LSM4: variants seen among roughly 807,000 people sequenced by gnomAD.
LSM4 encodes the protein LSM4 homolog, U6 small nuclear RNA and mRNA degradation associated.
In LSM4, 15 loss-of-function variants were observed where a neutral mutation model predicts 22.3. The ratio of observed to expected loss-of-function variants is 0.67; its 90% CI spans 0.45 to 1.03. The LOEUF (loss-of-function observed/expected upper bound fraction) is 1.03, where lower values mean the gene tolerates loss of function less well. Ranked by LOEUF, LSM4 falls within the 50% of genes least tolerant of loss-of-function variation. The probability of loss-of-function intolerance (pLI) is 0.00; values close to 1 mark genes in which losing one functional copy is unlikely to be tolerated. For missense variants in LSM4, 127 were observed against 198.0 expected (o/e 0.64, Z 2.15); for synonymous variants, 90 against 79.8 (o/e 1.13, Z -0.68).
In LSM4 at chr19:18,307,443, G is replaced by C; in HGVS notation, c.*21C>G. 1 of 1,500,324 alleles carries C rather than the reference G, an allele frequency of 6.7e-7. No homozygotes were observed. Among genetic ancestry groups the C allele is most frequent in the South Asian group, 1.3e-5 (1 of 78,916 alleles). 92.9% of individuals were successfully genotyped at this position (1,500,324 alleles called of 1,614,324 possible). On this transcript the variant is annotated 3_prime_UTR_variant, in exon 5 of 5. Transcript: ENST00000593829. ...CGCCACCCTGGCAGGAGGGGGCGCA[G>C]CAGCCGGTCTGGGTGGGCGCTCACT... is the stretch of plus-strand genomic sequence containing the variant.
At chr19:18,307,954 G>A (rs1399081109) in intron 4 of LSM4, among the ~76,000 whole-genome samples, 1 of 152,014 alleles carries the variant, frequency 6.6e-6, no homozygotes, top group Admixed American at 6.6e-5. Context: ...TGGCGGGGGG[G>A]GGGCCTCCTA....
chr19:18,310,043 C>T (rs1970281978), intron 3 of LSM4, 182 bp from the exon 4 acceptor site: 5 of 591,068 alleles, frequency 8.5e-6, no homozygotes, highest in Admixed American at 3.5e-5. Flanking sequence ...TCTGTCCTGA[C>T]CCCAGGCAAT....
At chr19:18,309,594 T>C in intron 4 of LSM4, 84 bp downstream of exon 4, 1 of 1,442,600 alleles carries the variant, frequency 6.9e-7, no homozygotes, top group African/African-American at 1.4e-5. Context: ...GAGGCAGCGC[T>C]GCAAGGGCAA....
chr19:18,311,748 G>A (rs1600166132), intron 3 of LSM4, among the ~76,000 whole-genome samples: 1 of 152,156 alleles, frequency 6.6e-6, no homozygotes, highest in African/African-American at 2.4e-5. Flanking sequence ...CTCACCACCT[G>A]TCCCCACCCC....
chr19:18,309,835 G>A lies in LSM4; in HGVS notation c.171C>T (p.Pro57=), dbSNP rs148877950. 130 of 1,613,668 alleles carry A rather than the reference G, an allele frequency of 8.1e-5. No individual in the cohort carries two copies. In the African/African-American group the frequency reaches 1.2e-3, roughly 15 times the overall value. The change falls in exon 4 of 5, where the codon CCC becomes CCT. Residue 57 remains proline, a synonymous_variant. Transcript: ENST00000593829. ...TGGTGCTGCCGCGGATGTAGCACTC[G>A]GGCATCCGCCAGAACTTGTCCCCGT... ...SRDGDKFWRM[P]ECYIRGSTIK...
At chr19:18,320,019 C>T (rs934602004) in intron 1 of LSM4, among the ~76,000 whole-genome samples, 4 of 152,176 alleles carry the variant, frequency 2.6e-5, no homozygotes, top group Non-Finnish European at 2.9e-5. Context: ...GCAGAACACT[C>T]GCCCCACCCC....
chr19:18,317,994 T>A (rs1883477943), intron 1 of LSM4, among the ~76,000 whole-genome samples: 2 of 152,068 alleles, frequency 1.3e-5, no homozygotes, highest in Middle Eastern at 3.4e-3. Context: ...GGGTGCGGGG[T>A]CCTATAACAT....
At chr19:18,313,840 T>C (rs752251947) in intron 2 of LSM4, among the ~76,000 whole-genome samples, 24 of 152,048 alleles carry the variant, frequency 1.6e-4, no homozygotes, top group Non-Finnish European at 4.4e-5. Context: ...TCTTTTGAGA[T>C]GGAAGTTTCT....
chr19:18,307,522 G>A lies in LSM4; in HGVS notation c.362C>T (p.Pro121Leu), dbSNP rs778611879. The A allele has an allele frequency of 6.4e-6, 10 of 1,553,226 alleles. No homozygotes were observed. Among genetic ancestry groups the A allele is most frequent in the Admixed American group, 2.0e-5 (1 of 51,220 alleles). The change falls in exon 5 of 5, where the codon CCG becomes CTG. Residue 121 changes from proline to leucine, a missense_variant. Coordinates refer to ENST00000593829, the MANE Select transcript of LSM4 (RefSeq NM_012321.5). ...VFGGRGRGGIPGTGRGQPEKK... is the reference protein window; with the variant it reads ...VFGGRGRGGILGTGRGQPEKK... ...CTCTGGCTGGCCTCTGCCTGTGCCC[G>A]GGATCCCACCTCGGCCCCGGCCACC...
At position 18,306,838 on chromosome 19, in the gene LSM4, A is replaced by G. The variant is rs1970228993; in HGVS notation, c.*626T>C. ...CCCTTACGGGAACGGGGATTTCCTG[A>G]GAGTCCAGCGATGGACAGAGGGCAG... On this transcript the variant is annotated 3_prime_UTR_variant, in exon 5 of 5. Transcript: ENST00000593829. 3 of 152,284 alleles carry G rather than the reference A, an allele frequency of 2.0e-5. No homozygotes were observed. The South Asian group carries it at 6.2e-4, about 31-fold the overall frequency. 9.4% of individuals were successfully genotyped at this position (152,284 alleles called of 1,614,324 possible).
rs564729419 is a variant in LSM4 at position 18,307,707 on chromosome 19, T to A, written c.329-152A>T. 32 of 533,378 alleles carry A rather than the reference T, an allele frequency of 6.0e-5. No individual in the cohort carries two copies. The Middle Eastern group carries it at 1.1e-3, about 19-fold the overall frequency. 33.0% of individuals were successfully genotyped at this position (533,378 alleles called of 1,614,324 possible). On this transcript the variant is annotated intron_variant, in intron 4 of 4. Transcript: ENST00000593829. ...GGTGACTGAGGGTGCTTGGATCTCCTCCGTGGGGCAGAGCATCTGAGGAAG... is the reference window on the plus strand; with the variant it reads ...GGTGACTGAGGGTGCTTGGATCTCCACCGTGGGGCAGAGCATCTGAGGAAG...
rs755912502 is a variant in LSM4, at chr19:18,312,749, C to G, written c.46-47G>C. 4.3e-6 allele frequency: 6 copies of G among 1,399,198 alleles called. No homozygotes were observed. In the South Asian group the frequency reaches 6.9e-5, roughly 16 times the overall value. The allele number at this position is 1,399,198 out of a possible 1,614,324, so 86.7% of individuals were successfully genotyped here. ...GGTTGGCTGTAGCCCTGGAGCCCTGCGCCATGGGCCCCTCAGGAGGTGTAG... is the reference window on the plus strand; with the variant it reads ...GGTTGGCTGTAGCCCTGGAGCCCTGGGCCATGGGCCCCTCAGGAGGTGTAG... On this transcript the variant is annotated intron_variant, in intron 2 of 4. Transcript: ENST00000593829.
At chr19:18,318,325 G>A (rs949715578) in intron 1 of LSM4, among the ~76,000 whole-genome samples, 1 of 152,256 alleles carries the variant, frequency 6.6e-6, no homozygotes, top group Non-Finnish European at 1.5e-5. Flanking sequence ...CCTGAGAAGA[G>A]CTGCCCAGGG....
At position 18,323,070 on chromosome 19, in the gene LSM4, A is replaced by G. The variant is rs919214969; in HGVS notation, c.-50T>C. On this transcript the variant is annotated 5_prime_UTR_variant, in exon 1 of 5. Coordinates refer to ENST00000593829, the MANE Select transcript of LSM4 (RefSeq NM_012321.5). ...CGGCCACTTCCGCCGCCGCCGCTGCACACGCTCCCGGCGGTCGTCGCCGCG... is the reference window on the plus strand; with the variant it reads ...CGGCCACTTCCGCCGCCGCCGCTGCGCACGCTCCCGGCGGTCGTCGCCGCG... 1 of 1,482,630 alleles carries G rather than the reference A, an allele frequency of 6.7e-7. No individual in the cohort carries two copies. The highest frequency in any genetic ancestry group is 1.5e-5 in the African/African-American group (1 of 67,946). 91.8% of individuals were successfully genotyped at this position (1,482,630 alleles called of 1,614,324 possible).
chr19:18,312,675 A>G lies in LSM4; in HGVS notation c.73T>C (p.Tyr25His). The G allele has an allele frequency of 6.2e-7, 1 of 1,613,590 alleles. No individual in the cohort carries two copies. Among genetic ancestry groups the G allele is most frequent in the Non-Finnish European group, 8.5e-7 (1 of 1,179,672 alleles). The change falls in exon 3 of 5, where the codon TAC becomes CAC. Residue 25 changes from tyrosine (Y) to histidine (H), a missense_variant. Tyr to His is a moderately conservative substitution (Grantham distance 83). Transcript: ENST00000593829. ...TCGCAGCTCACCAGGTGTCCATTGT[A>G]CGTCTCCCCATTTTTCAGCTCCACC... ...MLVELKNGET[Y>H]NGHLVSCDNW...
At chr19:18,314,235 A>T (rs992196355) in intron 2 of LSM4, among the ~76,000 whole-genome samples, 2 of 152,070 alleles carry the variant, frequency 1.3e-5, no homozygotes, top group African/African-American at 4.8e-5. Flanking sequence ...ACAAACACAT[A>T]AACAAAATGT....
intron 2 of LSM4, among the ~76,000 whole-genome samples, chr19:18,313,415 G>GT (rs1970319607): frequency 6.6e-6 from 1 of 152,238 alleles, no homozygotes; most frequent in African/African-American, 2.4e-5. Context: ...CACAAATGCT[G>GT]TTTTTTACTG....
At chr19:18,319,942 G>A (rs996281474) in intron 1 of LSM4, among the ~76,000 whole-genome samples, 4 of 152,172 alleles carry the variant, frequency 2.6e-5, no homozygotes, top group Admixed American at 2.0e-4. Flanking sequence ...AGAGGGACTC[G>A]GTAAATATTT....
At chr19:18,319,735 T>C (rs1970404040) in intron 1 of LSM4, among the ~76,000 whole-genome samples, 1 of 152,170 alleles carries the variant, frequency 6.6e-6, no homozygotes. Context: ...GGGGTGACCT[T>C]CCCCAGGCTG....
Sources: allele counts gnomAD v4.1 joint callset (sites outside exome capture counted in the v4.1 genomes callset), GRCh38; gene constraint gnomAD v4.1.1; transcripts MANE v1.5; gene names NCBI Gene and HGNC (gene_info 2026-07-23, HGNC 2026-07-21).